PTPRC: variants seen among roughly 807,000 people sequenced by gnomAD.
PTPRC encodes protein tyrosine phosphatase receptor type C, also known as receptor-type tyrosine-protein phosphatase C.
In PTPRC, 44 loss-of-function variants were observed where a neutral mutation model predicts 155.9. The observed-to-expected ratio is 0.28, with a 90% CI of 0.22 to 0.36. The LOEUF (loss-of-function observed/expected upper bound fraction) is 0.36, where lower values mean the gene tolerates loss of function less well. Ranked by LOEUF, PTPRC falls within the 10% of genes least tolerant of loss-of-function variation. The pLI, the probability that PTPRC is intolerant of heterozygous loss-of-function variation, is 1.00. For missense variants in PTPRC, 1,401 were observed against 1,564.6 expected, an observed-to-expected ratio of 0.90 and a Z score of 1.76; for synonymous variants, 525 against 533.1, an observed-to-expected ratio of 0.98 and a Z score of 0.21.
intron 2 of PTPRC, among the ~76,000 whole-genome samples, chr1:198,681,515 T>G (rs931127271): frequency 1.3e-5 from 2 of 152,238 alleles, no homozygotes; most frequent in Non-Finnish European, 1.5e-5. Flanking sequence ...GCTGAACAAA[T>G]AGGAAATATC....
intron 5 of PTPRC, chr1:198,699,934 G>A: frequency 1.6e-6 from 1 of 617,702 alleles, no homozygotes; most frequent in South Asian, 2.0e-5. Flanking sequence ...CTGCTCAGGA[G>A]GAAAGAGTTA....
At chr1:198,689,448 A>C (rs1049211426) in intron 2 of PTPRC, among the ~76,000 whole-genome samples, 3 of 152,212 alleles carry the variant, frequency 2.0e-5, no homozygotes, top group East Asian at 1.9e-4. Context: ...CATTTTGGTG[A>C]CAACAAAGTA....
At chr1:198,641,533 A>G (rs140710209) in intron 2 of PTPRC, among the ~76,000 whole-genome samples, 105 of 152,174 alleles carry the variant, frequency 6.9e-4, no homozygotes, top group South Asian at 3.5e-3. Flanking sequence ...GACAAGGCCA[A>G]AGTTAATCTT....
At chr1:198,722,728 A>G (rs1349895438) in intron 15 of PTPRC, among the ~76,000 whole-genome samples, 1 of 151,830 alleles carries the variant, frequency 6.6e-6, no homozygotes, top group African/African-American at 2.4e-5. Context: ...GGATTTATAT[A>G]CCCAAACTAT....
At chr1:198,644,196 CAT>C (rs1662804419) in intron 2 of PTPRC, among the ~76,000 whole-genome samples, 1 of 151,692 alleles carries the variant, frequency 6.6e-6, no homozygotes, top group Non-Finnish European at 1.5e-5. Flanking sequence ...GGAAATTTAA[CAT>C]ATCTTCAGTT....
rs756201842 is a variant in PTPRC, at chr1:198,702,446, A to G, written c.499A>G (p.Thr167Ala). Residue 167 changes from threonine (T) to alanine (A), a missense_variant, in exon 6 of 33, where the codon ACA becomes GCA. Thr to Ala is a moderately conservative substitution (Grantham distance 58, BLOSUM62 0). Transcript: ENST00000442510. Reference protein sequence around the residue: ...TFPTDPVSPLTTTLSLAHHSS... With the variant: ...TFPTDPVSPLATTLSLAHHSS... ...TCCTACAGACCCAGTTTCCCCATTG[A>G]CAACCACCCTCAGCCTTGCACACCA... The G allele has an allele frequency of 6.2e-7, 1 of 1,614,118 alleles. No individual in the cohort carries two copies. The highest frequency in any genetic ancestry group is 2.2e-5 in the East Asian group (1 of 44,872).
At chr1:198,700,154 G>A (rs1666395530) in intron 5 of PTPRC, 1 of 190,436 alleles carries the variant, frequency 5.3e-6, no homozygotes, top group Non-Finnish European at 1.1e-5. Flanking sequence ...GAGAAAAAAA[G>A]AAAGGAATGG....
rs760921606 is a variant in PTPRC, at chr1:198,752,345, C to T, written c.3304C>T (p.Arg1102Cys). 4.3e-6 allele frequency: 7 copies of T among 1,612,566 alleles called. No homozygotes were observed. Among genetic ancestry groups the T allele is most frequent in the Admixed American group, 1.7e-5 (1 of 59,848 alleles). ...AGACAAATCTTCAACTTATACCCTT[C>T]GTGTCTTTGAACTGAGACATTCCAA... ...DTDKSSTYTL[R>C]VFELRHSKRK... The change falls in exon 30 of 33, where the codon CGT (arginine) becomes TGT (cysteine). Residue 1102 changes from arginine to cysteine, a missense_variant. By Grantham distance (180) the Arg-to-Cys change is radical. Around this residue, in one of 3 missense-constraint regions of PTPRC, gnomAD observed 400 missense variants for 389.5 expected, o/e 1.03. Coordinates refer to ENST00000442510, the MANE Select transcript of PTPRC (RefSeq NM_002838.5).
intron 11 of PTPRC, 193 bp from the exon 12 acceptor site, chr1:198,712,760 G>A (rs1653378312): frequency 3.2e-6 from 2 of 624,000 alleles, no homozygotes; most frequent in East Asian, 2.9e-5. Flanking sequence ...GTGCCAATCT[G>A]GTGTGACATT....
intron 2 of PTPRC, among the ~76,000 whole-genome samples, chr1:198,680,923 G>C (rs1665286848): frequency 6.6e-6 from 1 of 152,074 alleles, no homozygotes; most frequent in Non-Finnish European, 1.5e-5. Flanking sequence ...TTTTTACACT[G>C]TTACTCTATA....
intron 14 of PTPRC, among the ~76,000 whole-genome samples, chr1:198,721,514 A>G (rs1240600007): frequency 6.6e-6 from 1 of 152,088 alleles, no homozygotes; most frequent in African/African-American, 2.4e-5. Context: ...CATTTTGATT[A>G]TTGATGATTT....
chr1:198,642,545 G>A lies in PTPRC; in HGVS notation c.73+3204G>A, dbSNP rs75617705. On this transcript the variant is annotated intron_variant, in intron 2 of 32. Coordinates refer to ENST00000442510, the MANE Select transcript of PTPRC (RefSeq NM_002838.5). ...CTCTAGACTCATCCCTCAGAAACAC[G>A]GAACTTACTACCTTTCCTAAATCCA... Among the ~76,000 whole-genome samples, 722 of 151,874 alleles carry A rather than the reference G, an allele frequency of 4.8e-3. 7 individuals carry two copies. Among genetic ancestry groups the A allele is most frequent in the African/African-American group, 0.017 (704 of 41,456 alleles).
At chr1:198,660,030 C>CAT (rs34796231) in intron 2 of PTPRC, among the ~76,000 whole-genome samples, 4,582 of 114,904 alleles carry the variant, frequency 0.04, 184 homozygotes, top group Admixed American at 0.066. Context: ...TATATATGTC[C>CAT]ATATATATAT....
chr1:198,747,351 C>A (rs1280341061), intron 26 of PTPRC, among the ~76,000 whole-genome samples: 1 of 151,618 alleles, frequency 6.6e-6, no homozygotes, highest in Non-Finnish European at 1.5e-5. Flanking sequence ...TTGAGGGACC[C>A]AGTAAGGTGT....
At chr1:198,672,619 G>A (rs10922470) in intron 2 of PTPRC, among the ~76,000 whole-genome samples, 19,184 of 151,226 alleles carry the variant, frequency 0.13, 1,490 homozygotes, top group African/African-American at 0.22. Flanking sequence ...ACAGGTGCAC[G>A]CCACCATGCC....
chr1:198,704,324 T>G lies in PTPRC; in HGVS notation c.659-148T>G, dbSNP rs559721560. 3 of 1,403,134 alleles carry G rather than the reference T, an allele frequency of 2.1e-6. No individual in the cohort carries two copies. In the Admixed American group the frequency reaches 7.1e-5, roughly 33 times the overall value. The allele number at this position is 1,403,134 out of a possible 1,614,324, so 86.9% of individuals were successfully genotyped here. Reference sequence around the variant, plus strand: ...TGCTTTAAGTTTTGAAATGAAAACCTGTACTAGGCAAATCCTTCATATTCT... The same window carrying G: ...TGCTTTAAGTTTTGAAATGAAAACCGGTACTAGGCAAATCCTTCATATTCT... On this transcript the variant is annotated intron_variant, in intron 7 of 32. Coordinates refer to ENST00000442510, the MANE Select transcript of PTPRC (RefSeq NM_002838.5).
intron 17 of PTPRC, among the ~76,000 whole-genome samples, chr1:198,729,506 G>A (rs1342185226): frequency 6.6e-6 from 1 of 152,128 alleles, no homozygotes; most frequent in Admixed American, 6.6e-5. Flanking sequence ...GCCTCCCAAA[G>A]TGCTGGGATT....
chr1:198,715,829 T>A (rs546122123), intron 12 of PTPRC, among the ~76,000 whole-genome samples: 54 of 152,234 alleles, frequency 3.5e-4, no homozygotes, highest in African/African-American at 1.3e-3. Flanking sequence ...GTTATTGATA[T>A]TATTATTACT....
At position 198,725,706 on chromosome 1, in the gene PTPRC, A is replaced by AT. The variant is rs533196588; in HGVS notation, c.1721-2628dup. On this transcript the variant is annotated intron_variant, in intron 15 of 32. Transcript: ENST00000442510. ...CCTGGTAGTATTTTTTCAAGAAGAT[A>AT]TTTTTTGTTATTGTTGTTGTTGTTG... Among the ~76,000 whole-genome samples the AT allele has an allele frequency of 2.9e-3, 446 of 152,084 alleles. 4 individuals are homozygous for AT. Among genetic ancestry groups the AT allele is most frequent in the African/African-American group, 9.9e-3 (409 of 41,482 alleles).
Sources: allele counts gnomAD v4.1 joint callset (sites outside exome capture counted in the v4.1 genomes callset), GRCh38; gene constraint gnomAD v4.1.1; regional missense constraint gnomAD v4.1.1; transcripts MANE v1.5; gene names NCBI Gene and HGNC (gene_info 2026-07-23, HGNC 2026-07-21).